SORCS2: variants seen among roughly 807,000 people sequenced by gnomAD.
SORCS2 encodes sortilin related VPS10 domain containing receptor 2, also known as VPS10 domain-containing receptor SorCS2.
Under a neutral mutation model 141.6 loss-of-function variants are expected in SORCS2, and 100 were observed. The observed-to-expected ratio is 0.71, with a 90% CI of 0.60 to 0.83. The LOEUF (loss-of-function observed/expected upper bound fraction) is 0.83. SORCS2 is among the 40% of genes least tolerant of loss of function. SORCS2 has a pLI of 0.00. For missense variants in SORCS2, 1,646 were observed against 1,560.2 expected, an observed-to-expected ratio of 1.05 and a Z score of -0.93; for synonymous variants, 789 against 676.9, an observed-to-expected ratio of 1.17 and a Z score of -2.57.
At position 7,740,246 on chromosome 4, in the gene SORCS2, C is replaced by T; in HGVS notation, c.3462C>T (p.His1154=). The change falls in exon 27 of 27, where the codon CAC becomes CAT. Residue 1154 remains histidine, a synonymous_variant. Coordinates refer to ENST00000507866, the MANE Select transcript of SORCS2 (RefSeq NM_020777.3). ...TGAGCATCAACTCCCGAGAGATGCACAGCTACCTGGTGAGCTGATGCCACC... is the reference window on the plus strand; with the variant it reads ...TGAGCATCAACTCCCGAGAGATGCATAGCTACCTGGTGAGCTGATGCCACC... ...VVLSINSREM[H]SYLVS is the part of the protein sequence containing the mutation. 1 of 1,610,012 alleles carries T rather than the reference C, an allele frequency of 6.2e-7. No individual in the cohort carries two copies. The highest frequency in any genetic ancestry group is 2.2e-5 in the East Asian group (1 of 44,844).
chr4:7,208,305 C>T (rs1339207439), intron 1 of SORCS2, among the ~76,000 whole-genome samples: 1 of 152,144 alleles, frequency 6.6e-6, no homozygotes, highest in Non-Finnish European at 1.5e-5. Context: ...CCCTCCAGCC[C>T]CCACAGGGTT....
At position 7,467,151 on chromosome 4, in the gene SORCS2, G is replaced by A. The variant is rs531644447; in HGVS notation, c.549-64379G>A. On this transcript the variant is annotated intron_variant, in intron 2 of 26. Transcript: ENST00000507866. ...TTGGCAGCTGCAGTTTTCCTGGCCA[G>A]AGCATGCCACAAGTGGTCCCCTGGA... 1.1e-4 allele frequency among the ~76,000 whole-genome samples: 17 copies of A among 152,326 alleles called. No homozygotes were observed. The South Asian group carries it at 3.5e-3, about 32-fold the overall frequency.
chr4:7,709,168 C>T (rs1394618197), intron 14 of SORCS2, among the ~76,000 whole-genome samples: 2 of 152,220 alleles, frequency 1.3e-5, no homozygotes, highest in Non-Finnish European at 2.9e-5. Flanking sequence ...CAAGCCGTTC[C>T]TGAGGCCAGA....
At chr4:7,628,975 C>T (rs733155) in intron 3 of SORCS2, among the ~76,000 whole-genome samples, 2,101 of 152,212 alleles carry the variant, frequency 0.014, 33 homozygotes, top group Admixed American at 0.025. Flanking sequence ...TCAGGGCCCA[C>T]TTAGATGGTG....
Position 7,201,283 on chromosome 4 carries a change from T to C in SORCS2, c.480+8157T>C, listed in dbSNP as rs1727471394. Reference sequence around the variant, plus strand: ...GGCACAGGAGAGACTCGTGCGTTGATCAAGAAGCCTGGCTCGAAGTCATAG... The same window carrying C: ...GGCACAGGAGAGACTCGTGCGTTGACCAAGAAGCCTGGCTCGAAGTCATAG... On this transcript the variant is annotated intron_variant, in intron 1 of 26. Transcript: ENST00000507866. The surrounding 1 kb of genome is among the most constrained non-coding windows in gnomAD (Gnocchi z 4.4). Among the ~76,000 whole-genome samples, 1 of 152,184 alleles carries C rather than the reference T, an allele frequency of 6.6e-6. No individual in the cohort carries two copies. Among genetic ancestry groups the C allele is most frequent in the African/African-American group, 2.4e-5 (1 of 41,440 alleles).
rs201433688 is a variant in SORCS2, at chr4:7,704,272, C to T, written c.1856C>T (p.Thr619Met). ...DGLLSEPGDE[T>M]LVMTVFGHIS... ...CTGCTGAGTGAGCCAGGGGACGAGACGCTGGTCATGACGTGAGTGCGGGGA... is the reference window on the plus strand; with the variant it reads ...CTGCTGAGTGAGCCAGGGGACGAGATGCTGGTCATGACGTGAGTGCGGGGA... Residue 619 changes from threonine to methionine, a missense_variant, in exon 14 of 27, where the codon ACG becomes ATG. Thr to Met is a moderately conservative substitution (Grantham distance 81). Transcript: ENST00000507866. 3.9e-4 allele frequency: 622 copies of T among 1,611,388 alleles called. 1 individual carries two copies. Among genetic ancestry groups the T allele is most frequent in the Middle Eastern group, 1.7e-4 (1 of 6,058 alleles).
chr4:7,372,106 T>C (rs569061190), intron 1 of SORCS2, among the ~76,000 whole-genome samples: 40 of 152,126 alleles, frequency 2.6e-4, no homozygotes, highest in Non-Finnish European at 4.6e-4. Flanking sequence ...GTTCCTTTCA[T>C]TGCGGCCCTT....
In SORCS2 at chr4:7,233,816, G is replaced by A. The variant is rs1043356115; in HGVS notation, c.480+40690G>A. On this transcript the variant is annotated intron_variant, in intron 1 of 26. Transcript: ENST00000507866. The surrounding 1 kb of genome is among the most constrained non-coding windows in gnomAD (Gnocchi z 4.5). The stretch of plus-strand genomic sequence containing the variant: ...TTTTCCTGTCTGTAAAATGGGTGCC[G>A]TGGTGCAAACATCAGAGGGTGGTGG... Among the ~76,000 whole-genome samples, 4 of 152,172 alleles carry A rather than the reference G, an allele frequency of 2.6e-5. No homozygotes were observed. The highest frequency in any genetic ancestry group is 4.8e-5 in the African/African-American group (2 of 41,440).
rs972111893 is a variant in SORCS2 at position 7,201,306 on chromosome 4, T to C, written c.480+8180T>C. ...GATCAAGAAGCCTGGCTCGAAGTCA[T>C]AGAGACAGCCCTGTTAATAAAGTTG... On this transcript the variant is annotated intron_variant, in intron 1 of 26. Coordinates refer to ENST00000507866, the MANE Select transcript of SORCS2 (RefSeq NM_020777.3). This position sits in a 1 kb window ranked among gnomAD's most constrained non-coding sequence, Gnocchi z 4.4. 1.3e-5 allele frequency among the ~76,000 whole-genome samples: 2 copies of C among 152,150 alleles called. No homozygotes were observed. Among genetic ancestry groups the C allele is most frequent in the African/African-American group, 4.8e-5 (2 of 41,424 alleles).
At chr4:7,617,361 C>G (rs1268374305) in intron 3 of SORCS2, among the ~76,000 whole-genome samples, 1 of 152,104 alleles carries the variant, frequency 6.6e-6, no homozygotes, top group East Asian at 1.9e-4. Flanking sequence ...TATGCACCTA[C>G]CCATCCACCC....
At position 7,193,241 on chromosome 4, in the gene SORCS2, C is replaced by A; in HGVS notation, c.480+115C>A. On this transcript the variant is annotated intron_variant, in intron 1 of 26. Transcript: ENST00000507866. The surrounding 1 kb of genome is among the most constrained non-coding windows in gnomAD (Gnocchi z 4.8). Reference sequence around the variant, plus strand: ...CCACTATGGTCATCAGGGGCGGGTTCTTGGCGACTTGGGCACTTGGGTCAC... The same window carrying A: ...CCACTATGGTCATCAGGGGCGGGTTATTGGCGACTTGGGCACTTGGGTCAC... 7.9e-7 allele frequency: 1 copy of A among 1,261,468 alleles called. No individual in the cohort carries two copies. The highest frequency in any genetic ancestry group is 2.5e-5 in the South Asian group (1 of 40,464). 78.1% of individuals were successfully genotyped at this position (1,261,468 alleles called of 1,614,324 possible).
chr4:7,724,148 G>GTGATGGTGGTGA (rs1447128650), intron 19 of SORCS2, among the ~76,000 whole-genome samples: 8 of 81,060 alleles, frequency 9.9e-5, no homozygotes, highest in African/African-American at 3.0e-4. Context: ...GGTGATGGTC[G>GTGATGGTGGTGA]TGGTGGTGGT....
intron 10 of SORCS2, among the ~76,000 whole-genome samples, chr4:7,686,134 C>T (rs958758435): frequency 1.3e-5 from 2 of 152,196 alleles, no homozygotes; most frequent in African/African-American, 2.4e-5. Flanking sequence ...ACCAGCTTCC[C>T]GTCTGGGGAT....
chr4:7,363,198 G>T (rs550746170), intron 1 of SORCS2, among the ~76,000 whole-genome samples: 1 of 123,158 alleles, frequency 8.1e-6, no homozygotes, highest in Non-Finnish European at 1.7e-5. Context: ...CACCTTCACC[G>T]TCACCACCAC....
intron 2 of SORCS2, among the ~76,000 whole-genome samples, chr4:7,486,389 C>T (rs1730987030): frequency 2.0e-5 from 3 of 152,254 alleles, no homozygotes; most frequent in African/African-American, 7.2e-5. Context: ...CTCCACCACA[C>T]ACGGGGCAGG....
chr4:7,537,626 G>C (rs1187284310), intron 3 of SORCS2, among the ~76,000 whole-genome samples: 3 of 152,184 alleles, frequency 2.0e-5, no homozygotes, highest in African/African-American at 7.2e-5. Context: ...AGGTGAACTG[G>C]ACAAACAGCT....
chr4:7,588,344 G>T (rs1488295681), intron 3 of SORCS2, among the ~76,000 whole-genome samples: 3 of 152,196 alleles, frequency 2.0e-5, no homozygotes, highest in Non-Finnish European at 4.4e-5. Context: ...TTCGGATGAG[G>T]AGGAATGGCT....
chr4:7,512,722 A>G (rs898277698), intron 2 of SORCS2, among the ~76,000 whole-genome samples: 8 of 150,542 alleles, frequency 5.3e-5, no homozygotes, highest in African/African-American at 1.7e-4. Flanking sequence ...TCGTGGGAGG[A>G]GTCAGCCGCC....
At chr4:7,587,322 C>G (rs2108768703) in intron 3 of SORCS2, among the ~76,000 whole-genome samples, 1 of 152,324 alleles carries the variant, frequency 6.6e-6, no homozygotes, top group East Asian at 1.9e-4. Context: ...GTGATGTTGG[C>G]TGAACCTGGG....
Sources: gnomAD v4.1 joint callset for allele counts (sites outside exome capture counted in the v4.1 genomes callset) on GRCh38, gnomAD v4.1.1 for gene constraint, Gnocchi (gnomAD v3.1) non-coding constraint, MANE v1.5 for transcripts, NCBI Gene and HGNC (gene_info 2026-07-23, HGNC 2026-07-21) for gene names.